Variants in PXDNL observed in about 807,000 individuals in gnomAD.
PXDNL encodes peroxidasin like.
PXDNL carries 145 observed loss-of-function variants against 150.8 expected under a neutral mutation model. The ratio of observed to expected loss-of-function variants is 0.96; its 90% CI spans 0.84 to 1.10. PXDNL has a LOEUF of 1.10. Among genes scored for constraint, PXDNL ranks in the 50% least tolerant of loss-of-function variants. The pLI is 0.00. For synonymous variants in PXDNL, 757 were observed against 725.7 expected, an observed-to-expected ratio of 1.04 and a Z score of -0.69; for missense variants, 2,087 against 1,873.9, an observed-to-expected ratio of 1.11 and a Z score of -2.10.
intron 17 of PXDNL, among the ~76,000 whole-genome samples, chr8:51,377,688 T>TCC (rs1436662267): frequency 1.3e-5 from 2 of 152,068 alleles, no homozygotes; most frequent in Non-Finnish European, 2.9e-5. Context: ...GTGCACCGGG[T>TCC]CCCCCAGCAG....
Position 51,682,458 on chromosome 8 carries a change from G to A in PXDNL, c.165-27698C>T, listed in dbSNP as rs534901232. 3.3e-5 allele frequency among the ~76,000 whole-genome samples: 5 copies of A among 152,188 alleles called. No individual in the cohort carries two copies. In the South Asian group the frequency reaches 6.2e-4, roughly 19 times the overall value. On this transcript the variant is annotated intron_variant, in intron 1 of 22. Coordinates refer to ENST00000356297, the MANE Select transcript of PXDNL (RefSeq NM_144651.5). ...GGTGAGGGGCCCTTGTAATTGGTAC[G>A]GTGTCCACATGCCTGGAGAATGAGC... is the stretch of plus-strand genomic sequence containing the variant.
intron 18 of PXDNL, among the ~76,000 whole-genome samples, chr8:51,373,918 T>G (rs1807214297): frequency 6.6e-6 from 1 of 152,232 alleles, no homozygotes; most frequent in Non-Finnish European, 1.5e-5. Context: ...TTGGTTTTTA[T>G]TCTTGGTTAG....
At chr8:51,700,518 A>G (rs568257631) in intron 1 of PXDNL, among the ~76,000 whole-genome samples, 1 of 148,776 alleles carries the variant, frequency 6.7e-6, no homozygotes, top group Non-Finnish European at 1.5e-5. Flanking sequence ...AACATAACAT[A>G]TATACACAGA....
At chr8:51,335,784 C>CTGAG (rs912720312) in intron 21 of PXDNL, among the ~76,000 whole-genome samples, 1 of 151,044 alleles carries the variant, frequency 6.6e-6, no homozygotes, top group African/African-American at 2.5e-5. Flanking sequence ...ATAAAATGTT[C>CTGAG]TGAGTGTAAT....
At chr8:51,396,296 G>A (rs1808079161) in intron 17 of PXDNL, among the ~76,000 whole-genome samples, 1 of 152,318 alleles carries the variant, frequency 6.6e-6, no homozygotes, top group African/African-American at 2.4e-5. Context: ...CTGGCTGCAG[G>A]AACCATATGT....
At chr8:51,361,039 C>A (rs1806719125) in intron 19 of PXDNL, among the ~76,000 whole-genome samples, 1 of 152,210 alleles carries the variant, frequency 6.6e-6, no homozygotes, top group Non-Finnish European at 1.5e-5. Flanking sequence ...CCAGAAGCAA[C>A]ATGTGACCAA....
chr8:51,445,254 G>C (rs1161467716), intron 12 of PXDNL, among the ~76,000 whole-genome samples: 1 of 152,112 alleles, frequency 6.6e-6, no homozygotes, highest in African/African-American at 2.4e-5. Context: ...TAATCGATCT[G>C]ATCAAGACTT....
intron 1 of PXDNL, among the ~76,000 whole-genome samples, chr8:51,701,105 CT>C (rs958589709): frequency 2.0e-5 from 3 of 151,934 alleles, no homozygotes; most frequent in Admixed American, 6.6e-5. Flanking sequence ...TGAACATTGT[CT>C]TTTTTTTCTC....
intron 4 of PXDNL, among the ~76,000 whole-genome samples, chr8:51,554,912 G>A (rs1812570337): frequency 6.6e-6 from 1 of 152,124 alleles, no homozygotes; most frequent in South Asian, 2.1e-4. Flanking sequence ...ATCTGTTCAT[G>A]GCAATACAAG....
chr8:51,625,986 A>T (rs186443760), intron 2 of PXDNL, among the ~76,000 whole-genome samples: 195 of 152,330 alleles, frequency 1.3e-3, no homozygotes, highest in African/African-American at 4.5e-3. Flanking sequence ...CCATACCAGA[A>T]ATAAGTTCTT....
intron 17 of PXDNL, among the ~76,000 whole-genome samples, chr8:51,395,061 G>A (rs1006044163): frequency 1.3e-5 from 2 of 152,174 alleles, no homozygotes; most frequent in East Asian, 1.9e-4. Context: ...TATTTGCTGA[G>A]TAACTACCCA....
At chr8:51,467,910 A>T (rs1209831813) in intron 8 of PXDNL, among the ~76,000 whole-genome samples, 1 of 152,082 alleles carries the variant, frequency 6.6e-6, no homozygotes, top group African/African-American at 2.4e-5. Context: ...CAATTATTCT[A>T]AAACTACTTA....
intron 21 of PXDNL, among the ~76,000 whole-genome samples, chr8:51,326,726 A>C (rs1191291865): frequency 1.3e-5 from 2 of 152,164 alleles, no homozygotes; most frequent in Non-Finnish European, 2.9e-5. Flanking sequence ...AATACTGACA[A>C]TGATTGCATC....
chr8:51,513,440 A>G (rs1032132341), intron 4 of PXDNL, among the ~76,000 whole-genome samples: 3 of 152,250 alleles, frequency 2.0e-5, no homozygotes, highest in Non-Finnish European at 4.4e-5. Flanking sequence ...GCAAGGGACC[A>G]GAAGAAGCCT....
At position 51,420,886 on chromosome 8, in the gene PXDNL, C is replaced by T. The variant is rs531110865; in HGVS notation, c.1795+2689G>A. On this transcript the variant is annotated intron_variant, in intron 14 of 22. Transcript: ENST00000356297. ...TGTATTTTTAGTAGAGACAGGGTTT[C>T]ACTATGTTGGCCAGGCTGGTCTCGA... Among the ~76,000 whole-genome samples the T allele has an allele frequency of 7.9e-5, 12 of 152,262 alleles. No homozygotes were observed. In the South Asian group the frequency reaches 1.2e-3, roughly 16 times the overall value.
intron 4 of PXDNL, among the ~76,000 whole-genome samples, chr8:51,538,312 A>G (rs955103260): frequency 1.3e-5 from 2 of 152,216 alleles, no homozygotes; most frequent in African/African-American, 4.8e-5. Flanking sequence ...ATTTGTCTGT[A>G]CATTTATAGT....
At chr8:51,649,383 T>C (rs187351200) in intron 2 of PXDNL, among the ~76,000 whole-genome samples, 6 of 152,342 alleles carry the variant, frequency 3.9e-5, no homozygotes, top group Admixed American at 1.3e-4. Context: ...TTTTAACCTG[T>C]AATTATAACA....
intron 20 of PXDNL, among the ~76,000 whole-genome samples, chr8:51,342,019 A>C (rs972025): frequency 0.26 from 39,543 of 152,038 alleles, 5,536 homozygotes; most frequent in Middle Eastern, 0.36. Flanking sequence ...TTACCTGCAA[A>C]ATTATTCATA....
intron 13 of PXDNL, among the ~76,000 whole-genome samples, chr8:51,425,739 G>A (rs1586096635): frequency 1.3e-5 from 2 of 151,968 alleles, no homozygotes; most frequent in South Asian, 2.1e-4. Flanking sequence ...GGACAATGGC[G>A]TGAACCCAGG....
Sources: allele counts gnomAD v4.1 joint callset (sites outside exome capture counted in the v4.1 genomes callset), GRCh38; gene constraint gnomAD v4.1.1; transcripts MANE v1.5; gene names NCBI Gene and HGNC (gene_info 2026-07-23, HGNC 2026-07-21).